ADCY5: variants seen among roughly 807,000 people sequenced by gnomAD.
ADCY5 encodes adenylate cyclase type 5.
Under a neutral mutation model 119.7 loss-of-function variants are expected in ADCY5, and 30 were observed. The observed-to-expected ratio is 0.25, with a 90% CI of 0.19 to 0.34. The LOEUF (loss-of-function observed/expected upper bound fraction) is 0.34. Ranked by LOEUF, ADCY5 falls within the 10% of genes least tolerant of loss-of-function variation. ADCY5 has a pLI of 1.00. For synonymous variants in ADCY5, 753 were observed against 762.2 expected (o/e 0.99, Z 0.20); for missense variants, 1,324 against 1,775.2 (o/e 0.75, Z 4.57).
intron 1 of ADCY5, among the ~76,000 whole-genome samples, chr3:123,356,187 A>C (rs1250125650): frequency 6.6e-6 from 1 of 152,230 alleles, no homozygotes; most frequent in Non-Finnish European, 1.5e-5. Context: ...AACTATAGAT[A>C]TAAAACCCTT....
chr3:123,350,049 G>A (rs955957150), intron 2 of ADCY5, among the ~76,000 whole-genome samples: 1 of 152,184 alleles, frequency 6.6e-6, no homozygotes, highest in Non-Finnish European at 1.5e-5. Context: ...ACTCCAGATA[G>A]AGCAGAACAC....
chr3:123,306,229 A>G (rs1212419937), intron 12 of ADCY5, among the ~76,000 whole-genome samples: 1 of 152,174 alleles, frequency 6.6e-6, no homozygotes, highest in East Asian at 1.9e-4. Context: ...CCAGAAACAA[A>G]CCTTTCCATT....
At position 123,447,633 on chromosome 3, in the gene ADCY5, G is replaced by A. The variant is rs755725101; in HGVS notation, c.913C>T (p.Leu305Phe). ...TGGACGGCCAGCACCACGGCGATGA[G>A]CGCATAGCAGGCCAGGCCCATGTGG... ...QDHMGLACYA[L>F]IAVVLAVQVV... Residue 305 changes from leucine (L) to phenylalanine (F), a missense_variant, in exon 1 of 21, where the codon CTC becomes TTC. Physicochemically the swap from Leu to Phe is conservative, Grantham distance 22. Coordinates refer to ENST00000462833, the MANE Select transcript of ADCY5 (RefSeq NM_183357.3). 6.8e-6 allele frequency: 11 copies of A among 1,608,662 alleles called. No homozygotes were observed. The highest frequency in any genetic ancestry group is 9.3e-6 in the Non-Finnish European group (11 of 1,178,456).
intron 1 of ADCY5, 76 bp downstream of exon 1, chr3:123,447,335 TG>T (rs1337307660): frequency 7.3e-7 from 1 of 1,373,642 alleles, no homozygotes; most frequent in Non-Finnish European, 9.6e-7. Context: ...AGGGTGAGGG[TG>T]GGATCCCTTT....
Position 123,448,346 on chromosome 3 carries a change from T to C in ADCY5, c.200A>G (p.Gln67Arg). 6.6e-7 allele frequency: 1 copy of C among 1,517,076 alleles called. No homozygotes were observed. The highest frequency in any genetic ancestry group is 2.0e-5 in the Admixed American group (1 of 49,866). 94.0% of individuals were successfully genotyped at this position (1,517,076 alleles called of 1,614,324 possible). ...GCTGCGCCAGCGGCTGGCCAGGCGC[T>C]GCTGCTGCTGCGGGGTCACCGCCCC... is the stretch of plus-strand genomic sequence containing the variant. ...PGGAVTPQQQ[Q>R]RLASRWRSDD... The change falls in exon 1 of 21, where the codon CAG becomes CGG. Residue 67 changes from glutamine to arginine, a missense_variant. Gln to Arg is a conservative substitution (Grantham distance 43). Around this residue, in one of 6 missense-constraint regions of ADCY5, gnomAD observed 585 missense variants for 569.9 expected, o/e 1.03. Coordinates refer to ENST00000462833, the MANE Select transcript of ADCY5 (RefSeq NM_183357.3).
At chr3:123,298,036 A>G (rs1939627782) in intron 15 of ADCY5, among the ~76,000 whole-genome samples, 1 of 152,104 alleles carries the variant, frequency 6.6e-6, no homozygotes, top group Non-Finnish European at 1.5e-5. Context: ...GTCTTGCTCT[A>G]TCTTCCAGGC....
At chr3:123,342,936 C>T (rs185876846) in intron 3 of ADCY5, among the ~76,000 whole-genome samples, 302 of 152,340 alleles carry the variant, frequency 2.0e-3, no homozygotes, top group African/African-American at 7.1e-3. Flanking sequence ...CTGCGCTGCG[C>T]GGGGCTGGGG....
chr3:123,340,766 C>A (rs981246699), intron 3 of ADCY5, among the ~76,000 whole-genome samples: 12 of 152,174 alleles, frequency 7.9e-5, no homozygotes, highest in African/African-American at 2.6e-4. Flanking sequence ...GGCAGTTCCT[C>A]CAAAAGCTAA....
chr3:123,308,064 C>T lies in ADCY5; in HGVS notation c.2443-3881G>A, dbSNP rs547907506. Among the ~76,000 whole-genome samples the T allele has an allele frequency of 3.2e-3, 390 of 123,222 alleles. 2 individuals are homozygous for T. Among genetic ancestry groups the T allele is most frequent in the African/African-American group, 0.011 (368 of 32,346 alleles). The allele number at this position is 123,222 out of a possible 152,430, so 80.8% of individuals were successfully genotyped here. A position where few individuals can be genotyped will look rare whatever the true frequency, so the allele number is the denominator to read the frequency against. On this transcript the variant is annotated intron_variant, in intron 12 of 20. Transcript: ENST00000462833. ...TTTTTTTTTTTTTGAGACAGAGTCT[C>T]GCTCTGTCGCCCAGGCTGGAGTGCA...
chr3:123,390,298 T>G (rs1944366796), intron 1 of ADCY5, among the ~76,000 whole-genome samples: 2 of 152,204 alleles, frequency 1.3e-5, no homozygotes, highest in African/African-American at 4.8e-5. Context: ...GCAGCCTTTA[T>G]AATCCCCTTG....
At position 123,282,366 on chromosome 3, in the gene ADCY5, G is replaced by A. The variant is rs528077852; in HGVS notation, c.*2242C>T. 1.3e-5 allele frequency: 2 copies of A among 152,146 alleles called. No individual in the cohort carries two copies. The highest frequency in any genetic ancestry group is 4.8e-5 in the African/African-American group (2 of 41,412). The allele number at this position is 152,146 out of a possible 1,614,324, so 9.4% of individuals were successfully genotyped here. A position where few individuals can be genotyped will look rare whatever the true frequency, so the allele number is the denominator to read the frequency against. On this transcript the variant is annotated 3_prime_UTR_variant, in exon 21 of 21. Coordinates refer to ENST00000462833, the MANE Select transcript of ADCY5 (RefSeq NM_183357.3). Reference sequence around the variant, plus strand: ...TCAATTTCCATGGGAAATCATAATCGTATCTGTTTTTGCAAGAGTAGGAAT... The same window carrying A: ...TCAATTTCCATGGGAAATCATAATCATATCTGTTTTTGCAAGAGTAGGAAT...
rs377157807 is a variant in ADCY5 at position 123,327,766 on chromosome 3, G to A, written c.1806-7C>T. 80 of 1,613,866 alleles carry A rather than the reference G, an allele frequency of 5.0e-5. No homozygotes were observed. Among genetic ancestry groups the A allele is most frequent in the Non-Finnish European group, 6.5e-5 (77 of 1,179,952 alleles). On this transcript the variant is annotated splice_polypyrimidine_tract_variant and splice_region_variant and intron_variant, in intron 6 of 20. Transcript: ENST00000462833. ...CTTGGTGATGTGGATGCGTCTACAG[G>A]GGGGCAGGGATCAGGGTGGAGAGGG...
At chr3:123,363,278 CAAAG>C (rs56075986) in intron 1 of ADCY5, among the ~76,000 whole-genome samples, 27,132 of 151,092 alleles carry the variant, frequency 0.18, 2,786 homozygotes, top group Middle Eastern at 0.25. Context: ...TACTAGTAAG[CAAAG>C]AAATAACAAT....
rs552433779 is a variant in ADCY5, at chr3:123,365,227, G to A, written c.1135-12646C>T. On this transcript the variant is annotated intron_variant, in intron 1 of 20. Transcript: ENST00000462833. ...TCACCTTGGCCTCCCAAAATGCTGG[G>A]ATTACAGGCGTAAGCCACCGCGCCC... Among the ~76,000 whole-genome samples, 22 of 152,318 alleles carry A rather than the reference G, an allele frequency of 1.4e-4. No individual in the cohort carries two copies. The South Asian group carries it at 4.4e-3, about 30-fold the overall frequency.
intron 12 of ADCY5, among the ~76,000 whole-genome samples, chr3:123,312,729 C>T (rs1940651760): frequency 6.6e-6 from 1 of 152,258 alleles, no homozygotes; most frequent in Non-Finnish European, 1.5e-5. Context: ...TGAAACAGCA[C>T]TGCATTCCTC....
chr3:123,328,659 G>A lies in ADCY5; in HGVS notation c.1790C>T (p.Ala597Val). 5 of 1,614,094 alleles carry A rather than the reference G, an allele frequency of 3.1e-6. No individual in the cohort carries two copies. The highest frequency in any genetic ancestry group is 4.2e-6 in the Non-Finnish European group (5 of 1,180,032). ...NDVTLANHME[A>V]GGKAGRIHIT... ...TGTCACTCACCCTGCCTTGCCGCCA[G>A]CCTCCATGTGGTTGGCTAGCGTGAC... The change falls in exon 6 of 21, where the codon GCT becomes GTT. Residue 597 changes from alanine (A) to valine (V), a missense_variant. Coordinates refer to ENST00000462833, the MANE Select transcript of ADCY5 (RefSeq NM_183357.3).
chr3:123,352,203 A>G lies in ADCY5; in HGVS notation c.1284+229T>C, dbSNP rs554430058. Among the ~76,000 whole-genome samples, 59 of 152,232 alleles carry G rather than the reference A, an allele frequency of 3.9e-4. No homozygotes were observed. Among genetic ancestry groups the G allele is most frequent in the African/African-American group, 1.4e-3 (58 of 41,554 alleles). ...TGTTTGCAAACCACAGGGACGCCAC[A>G]TGGCTATGGGCACCAGGCCTTGGGC... On this transcript the variant is annotated intron_variant, in intron 2 of 20. Coordinates refer to ENST00000462833, the MANE Select transcript of ADCY5 (RefSeq NM_183357.3). The surrounding 1 kb of genome is among the most constrained non-coding windows in gnomAD (Gnocchi z 4.8).
chr3:123,292,024 A>G (rs977716084), intron 17 of ADCY5, among the ~76,000 whole-genome samples: 3 of 152,054 alleles, frequency 2.0e-5, no homozygotes, highest in Non-Finnish European at 4.4e-5. Context: ...GGTCTATGGG[A>G]TTTTTTGGTC....
At chr3:123,292,205 A>G (rs941330531) in intron 17 of ADCY5, among the ~76,000 whole-genome samples, 1 of 152,196 alleles carries the variant, frequency 6.6e-6, no homozygotes, top group African/African-American at 2.4e-5. Flanking sequence ...TTTCCTAACT[A>G]AATGAAGACA....
Sources: gnomAD v4.1 joint callset for allele counts (sites outside exome capture counted in the v4.1 genomes callset) on GRCh38, gnomAD v4.1.1 for gene constraint, gnomAD v4.1.1 regional missense constraint, Gnocchi (gnomAD v3.1) non-coding constraint, MANE v1.5 for transcripts, NCBI Gene and HGNC (gene_info 2026-07-23, HGNC 2026-07-21) for gene names.